The following CYP7B1 variants were observed in gnomAD, a reference collection of about 807,000 sequenced individuals.
CYP7B1 encodes cytochrome P450 family 7 subfamily B member 1, also known as cytochrome P450 7B1.
A neutral mutation model predicts 42.7 loss-of-function variants in CYP7B1; 29 were observed. The observed-to-expected ratio is 0.68, with a 90% CI of 0.51 to 0.93. CYP7B1 has a LOEUF of 0.93. Among genes scored for constraint, CYP7B1 ranks in the 40% least tolerant of loss-of-function variants. The pLI is 0.00. For synonymous variants in CYP7B1, 235 were observed against 218.2 expected (o/e 1.08, Z -0.68); for missense variants, 655 against 600.5 (o/e 1.09, Z -0.95).
chr8:64,770,308 T>G (rs1280100118), intron 1 of CYP7B1, among the ~76,000 whole-genome samples: 1 of 152,144 alleles, frequency 6.6e-6, no homozygotes, highest in African/African-American at 2.4e-5. Flanking sequence ...TTGGAATAGA[T>G]CTTAGAGTTC....
At position 64,591,220 on chromosome 8, in the gene CYP7B1, G is replaced by A. The variant is rs1805028757; in HGVS notation, c.*5422C>T. Among the ~76,000 whole-genome samples the A allele has an allele frequency of 6.6e-6, 1 of 152,080 alleles. No homozygotes were observed. The highest frequency in any genetic ancestry group is 2.4e-5 in the African/African-American group (1 of 41,446). On this transcript the variant is annotated 3_prime_UTR_variant, in exon 6 of 6. Coordinates refer to ENST00000310193, the MANE Select transcript of CYP7B1 (RefSeq NM_004820.5). Reference sequence around the variant, plus strand: ...TGATCACTGATTTAGATAAACAAATGAAGTAGAGTAATAATTACTTTAGAT... The same window carrying A: ...TGATCACTGATTTAGATAAACAAATAAAGTAGAGTAATAATTACTTTAGAT...
intron 1 of CYP7B1, among the ~76,000 whole-genome samples, chr8:64,748,096 C>T (rs945642291): frequency 6.6e-6 from 1 of 152,148 alleles, no homozygotes; most frequent in African/African-American, 2.4e-5. Context: ...AGTGTTGAAG[C>T]AGTGATGATG....
rs767487623 is a variant in CYP7B1, at chr8:64,615,037, A to T, written c.1046T>A (p.Leu349Gln). 3 of 1,613,656 alleles carry T rather than the reference A, an allele frequency of 1.9e-6. No individual in the cohort carries two copies. Among genetic ancestry groups the T allele is most frequent in the Non-Finnish European group, 2.5e-6 (3 of 1,179,678 alleles). Reference protein sequence around the residue: ...IHLTREQLDSLICLESSIFEA... With the variant: ...IHLTREQLDSQICLESSIFEA... ...TAAAAATAAATTACCTAGGCAGATT[A>T]GGCTGTCCAATTGTTCTCTGGTGAG... Residue 349 changes from leucine (L) to glutamine (Q), a missense_variant, in exon 4 of 6, where the codon CTA becomes CAA. Transcript: ENST00000310193.
intron 1 of CYP7B1, among the ~76,000 whole-genome samples, chr8:64,738,865 T>A (rs1807528684): frequency 6.6e-6 from 1 of 152,066 alleles, no homozygotes; most frequent in South Asian, 2.1e-4. Context: ...AAATGGTAAT[T>A]TTGACAAATT....
chr8:64,729,187 C>T (rs1367397745), intron 1 of CYP7B1, among the ~76,000 whole-genome samples: 1 of 152,098 alleles, frequency 6.6e-6, no homozygotes, highest in Non-Finnish European at 1.5e-5. Flanking sequence ...ATCAGAGAAG[C>T]TCTAAGATAA....
At chr8:64,754,684 G>C (rs1484777645) in intron 1 of CYP7B1, among the ~76,000 whole-genome samples, 2 of 152,140 alleles carry the variant, frequency 1.3e-5, no homozygotes, top group Non-Finnish European at 2.9e-5. Context: ...TTAGGATCCT[G>C]GGGATGGAGG....
At chr8:64,628,051 G>A (rs1482728535) in intron 1 of CYP7B1, among the ~76,000 whole-genome samples, 2 of 152,172 alleles carry the variant, frequency 1.3e-5, no homozygotes, top group East Asian at 1.9e-4. Context: ...GGTTGATCAA[G>A]TTTCAAAACT....
intron 1 of CYP7B1, among the ~76,000 whole-genome samples, chr8:64,625,135 G>A (rs965777061): frequency 9.9e-5 from 15 of 151,696 alleles, no homozygotes; most frequent in East Asian, 1.9e-4. Context: ...CACCACACCC[G>A]GCTAATTTTT....
At chr8:64,641,511 A>G (rs955555040) in intron 1 of CYP7B1, among the ~76,000 whole-genome samples, 6 of 152,214 alleles carry the variant, frequency 3.9e-5, no homozygotes, top group African/African-American at 1.4e-4. Context: ...ATTTGAGACT[A>G]GAACCAGCAA....
intron 1 of CYP7B1, among the ~76,000 whole-genome samples, chr8:64,656,808 A>G (rs1321175223): frequency 6.6e-6 from 1 of 152,220 alleles, no homozygotes; most frequent in Non-Finnish European, 1.5e-5. Context: ...TCAGTTTTAT[A>G]ATAACGTGAT....
At chr8:64,730,228 A>AT (rs112482663) in intron 1 of CYP7B1, among the ~76,000 whole-genome samples, 1,850 of 145,370 alleles carry the variant, frequency 0.013, 35 homozygotes, top group Admixed American at 0.049. Context: ...TGTCCGGCTA[A>AT]TTTTTTTTTT....
chr8:64,612,933 A>ATGAC (rs1176979338), intron 4 of CYP7B1, among the ~76,000 whole-genome samples: 5 of 152,180 alleles, frequency 3.3e-5, no homozygotes, highest in Non-Finnish European at 4.4e-5. Flanking sequence ...CAACTGAGCT[A>ATGAC]TGACTATGTG....
At chr8:64,644,367 G>A (rs1805915294) in intron 1 of CYP7B1, among the ~76,000 whole-genome samples, 1 of 152,000 alleles carries the variant, frequency 6.6e-6, no homozygotes, top group Admixed American at 6.6e-5. Context: ...GCTCTTAATG[G>A]CATCTAGAGT....
At chr8:64,652,259 T>C (rs756855456) in intron 1 of CYP7B1, among the ~76,000 whole-genome samples, 2 of 152,234 alleles carry the variant, frequency 1.3e-5, no homozygotes, top group Non-Finnish European at 2.9e-5. Flanking sequence ...AGTATTTTAT[T>C]AGTCTCTTTT....
At chr8:64,681,188 C>T (rs1585851440) in intron 1 of CYP7B1, among the ~76,000 whole-genome samples, 1 of 152,134 alleles carries the variant, frequency 6.6e-6, no homozygotes, top group Non-Finnish European at 1.5e-5. Flanking sequence ...CTTTCTCCCC[C>T]CTTTTGCACA....
chr8:64,772,780 A>G (rs969892744), intron 1 of CYP7B1, among the ~76,000 whole-genome samples: 3 of 152,204 alleles, frequency 2.0e-5, no homozygotes, highest in Non-Finnish European at 4.4e-5. Context: ...AAGCCTCACA[A>G]TGGTCTGATT....
intron 1 of CYP7B1, among the ~76,000 whole-genome samples, chr8:64,711,348 G>A (rs1282932739): frequency 2.6e-5 from 4 of 152,138 alleles, no homozygotes; most frequent in African/African-American, 7.2e-5. Context: ...ACCTCCTGGC[G>A]TCTCTCCTGC....
At chr8:64,609,232 G>A (rs1281212575) in intron 4 of CYP7B1, among the ~76,000 whole-genome samples, 1 of 152,160 alleles carries the variant, frequency 6.6e-6, no homozygotes, top group African/African-American at 2.4e-5. Flanking sequence ...TTCTGGAATG[G>A]TTAAGTCCAA....
At chr8:64,713,084 G>A (rs1332785905) in intron 1 of CYP7B1, among the ~76,000 whole-genome samples, 1 of 151,962 alleles carries the variant, frequency 6.6e-6, no homozygotes, top group Non-Finnish European at 1.5e-5. Context: ...ACATTATTTG[G>A]ATGAATGGAT....
Sources: gnomAD v4.1 joint callset for allele counts (sites outside exome capture counted in the v4.1 genomes callset) on GRCh38, gnomAD v4.1.1 for gene constraint, MANE v1.5 for transcripts, NCBI Gene and HGNC (gene_info 2026-07-23, HGNC 2026-07-21) for gene names.